Variants in LENG8 observed in about 807,000 individuals in gnomAD.
LENG8 encodes leukocyte receptor cluster (LRC) member 8.
In LENG8, 28 loss-of-function variants were observed where a neutral mutation model predicts 102.1. The ratio of observed to expected loss-of-function variants is 0.27; its 90% confidence interval spans 0.20 to 0.38. LENG8 has a LOEUF of 0.38. Among genes scored for constraint, LENG8 ranks in the 10% least tolerant of loss-of-function variants. LENG8 has a pLI of 1.00. For synonymous variants in LENG8, 531 were observed against 456.7 expected (o/e 1.16, Z -2.07); for missense variants, 1,022 against 1,113.9 (o/e 0.92, Z 1.17).
At chr19:54,455,150 T>A in intron 7 of LENG8, 58 bp downstream of exon 7, 5 of 1,605,082 alleles carry the variant, frequency 3.1e-6, no homozygotes, top group Non-Finnish European at 4.3e-6. Flanking sequence ...GCGTCTATGG[T>A]CCAGTCCCAC....
In LENG8 at chr19:54,461,286, T is replaced by C; in HGVS notation, c.*358T>C. ...GTACCCGACCCGGCGCCCTGGCCCATCCCATGCCGGGGGGCCAGTGGAAAG... is the reference window on the plus strand; with the variant it reads ...GTACCCGACCCGGCGCCCTGGCCCACCCCATGCCGGGGGGCCAGTGGAAAG... On this transcript the variant is annotated 3_prime_UTR_variant, in exon 16 of 16. Transcript: ENST00000326764. 2.1e-6 allele frequency: 1 copy of C among 471,584 alleles called. No homozygotes were observed. 29.2% of individuals were successfully genotyped at this position (471,584 alleles called of 1,614,324 possible).
At position 54,460,883 on chromosome 19, in the gene LENG8, C is replaced by T. The variant is rs778084846; in HGVS notation, c.2358C>T (p.Ser786=). ...LGLAYTGPDN[S]SIDCRLSLAQ... ...TGGCCTACACGGGCCCGGACAACTC[C>T]AGCATCGACTGCCGCCTCAGCCTGG... Residue 786 remains serine, a synonymous_variant, in exon 16 of 16, where the codon TCC becomes TCT. Transcript: ENST00000326764. 4 of 1,557,844 alleles carry T rather than the reference C, an allele frequency of 2.6e-6. No homozygotes were observed. Among genetic ancestry groups the T allele is most frequent in the Non-Finnish European group, 3.5e-6 (4 of 1,152,646 alleles).
At chr19:54,459,446 G>C in intron 15 of LENG8, 1 of 987,790 alleles carries the variant, frequency 1.0e-6, no homozygotes, top group South Asian at 4.6e-5. Flanking sequence ...CAGCATGGGG[G>C]CCTTGAGTGC....
chr19:54,451,295 G>A lies in LENG8; in HGVS notation c.-50G>A. On this transcript the variant is annotated 5_prime_UTR_variant, in exon 2 of 16. Transcript: ENST00000326764. ...ACTCATTCTTTTTCTCATAGACAGT[G>A]AAAAAGCAGTCTGGCTCCCGAGGTC... 1 of 1,603,904 alleles carries A rather than the reference G, an allele frequency of 6.2e-7. No individual in the cohort carries two copies. The highest frequency in any genetic ancestry group is 8.5e-7 in the Non-Finnish European group (1 of 1,170,740).
chr19:54,456,455 C>T lies in LENG8; in HGVS notation c.1435C>T (p.Arg479Cys), dbSNP rs769467537. Residue 479 changes from arginine to cysteine, a missense_variant, in exon 10 of 16, where the codon CGT becomes TGT. Arg to Cys is a radical substitution (Grantham distance 180). Transcript: ENST00000326764. ...GGATCGGGGCCGAGGCAGGGCGCAG[C>T]GTGGGAAGAGGTGAGACTGTGTGAG... ...HMDRGRGRAQ[R>C]GKRHDLAPTK... 5 of 1,605,008 alleles carry T rather than the reference C, an allele frequency of 3.1e-6. No homozygotes were observed. The highest frequency in any genetic ancestry group is 2.2e-5 in the South Asian group (2 of 90,864).
chr19:54,453,399 T>C lies in LENG8; in HGVS notation c.316-147T>C, dbSNP rs2084051401. The C allele has an allele frequency of 9.7e-6, 6 of 619,844 alleles. No homozygotes were observed. The East Asian group carries it at 1.1e-4, about 11-fold the overall frequency. 38.4% of individuals were successfully genotyped at this position (619,844 alleles called of 1,614,324 possible). On this transcript the variant is annotated intron_variant, in intron 4 of 15. Coordinates refer to ENST00000326764, the MANE Select transcript of LENG8 (RefSeq NM_052925.4). ...GATAGAGGTTTTTCTTTTCCTAATA[T>C]ATGAGAGGATGTGGTGCATTAATAT... is the stretch of plus-strand genomic sequence containing the variant.
chr19:54,454,453 G>C lies in LENG8; in HGVS notation c.450G>C (p.Glu150Asp). The change falls in exon 6 of 16, where the codon GAG becomes GAC. Residue 150 changes from glutamate to aspartate, a missense_variant. Glu to Asp is a conservative substitution (Grantham distance 45). This residue lies in a region of LENG8 where 343 missense variants were observed against 320.2 expected (regional missense o/e 1.07). Transcript: ENST00000326764. ...LNQPPVPGMD[E>D]SMSYQAPPQQ... Reference sequence around the variant, plus strand: ...AGCCCCCAGTCCCCGGCATGGATGAGAGCATGTCCTACCAGGCTCCCCCTC... The same window carrying C: ...AGCCCCCAGTCCCCGGCATGGATGACAGCATGTCCTACCAGGCTCCCCCTC... 6.2e-7 allele frequency: 1 copy of C among 1,612,314 alleles called. No homozygotes were observed. Among genetic ancestry groups the C allele is most frequent in the South Asian group, 1.1e-5 (1 of 90,890 alleles).
At chr19:54,449,379 C>T (rs1472172288) in intron 1 of LENG8, 69 bp downstream of exon 1, 1 of 152,140 alleles carries the variant, frequency 6.6e-6, no homozygotes, top group African/African-American at 2.4e-5. Context: ...CCCCGCGAGC[C>T]CCGAGGCCTT....
intron 3 of LENG8, 64 bp downstream of exon 3, chr19:54,452,331 C>T (rs996590446): frequency 3.6e-5 from 51 of 1,419,022 alleles, no homozygotes; most frequent in Middle Eastern, 2.4e-4. Context: ...CACAGTCTGG[C>T]GTCCTGTTGT....
chr19:54,452,201 C>T lies in LENG8; in HGVS notation c.147C>T (p.Ile49=), dbSNP rs535985014. 55 of 1,614,088 alleles carry T rather than the reference C, an allele frequency of 3.4e-5. 1 individual carries two copies. The South Asian group carries it at 5.4e-4, about 16-fold the overall frequency. The change falls in exon 3 of 16, where the codon ATC becomes ATT. Residue 49 remains isoleucine, a synonymous_variant. Coordinates refer to ENST00000326764, the MANE Select transcript of LENG8 (RefSeq NM_052925.4). ...WEKARQALAS[I]SKSGAAGGSA... Reference sequence around the variant, plus strand: ...AGGCCCGTCAGGCCCTGGCCAGCATCAGCAAGTCAGGAGCTGCCGGCGGCT... The same window carrying T: ...AGGCCCGTCAGGCCCTGGCCAGCATTAGCAAGTCAGGAGCTGCCGGCGGCT...
chr19:54,458,806 G>A (rs948901910), intron 15 of LENG8: 5 of 1,550,942 alleles, frequency 3.2e-6, no homozygotes, highest in South Asian at 1.2e-5. Context: ...TCTTCCTCCT[G>A]TTCTCTCCTG....
In LENG8 at chr19:54,449,554, G is replaced by GGCCCCGGGGC. The variant is rs1429810966; in HGVS notation, c.-56+250_-56+259dup. ...CGTTCCTCTCCCTTGGAGTTCTCGG[G>GGCCCCGGGGC]GCCCCGGGGCGCCCCTCACTCGCCG... On this transcript the variant is annotated intron_variant, in intron 1 of 15. Transcript: ENST00000326764. 3.3e-5 allele frequency: 5 copies of GGCCCCGGGGC among 152,046 alleles called. No individual in the cohort carries two copies. The East Asian group carries it at 5.8e-4, about 18-fold the overall frequency. The allele number at this position is 152,046 out of a possible 1,614,324, so 9.4% of individuals were successfully genotyped here. A position where few individuals can be genotyped will look rare whatever the true frequency, so the allele number is the denominator to read the frequency against.
chr19:54,458,070 C>T, intron 13 of LENG8, 33 bp from the exon 14 acceptor site: 3 of 1,612,216 alleles, frequency 1.9e-6, no homozygotes, highest in Non-Finnish European at 1.7e-6. Flanking sequence ...CACCCTCACT[C>T]TGCTCTCCTC....
chr19:54,460,719 G>GGCCCCA, intron 15 of LENG8, 47 bp from the exon 16 acceptor site: 8 of 778,908 alleles, frequency 1.0e-5, no homozygotes, highest in Non-Finnish European at 1.4e-5. Context: ...GCCCTCCCCT[G>GGCCCCA]CCCTCCCGCC....
At chr19:54,460,559 G>A in intron 15 of LENG8, 20 of 1,412,096 alleles carry the variant, frequency 1.4e-5, no homozygotes, top group Non-Finnish European at 1.7e-5. Context: ...TGAGGGTGAG[G>A]GGGGCACAGG....
chr19:54,460,957 G>GGCTGCAGCCCCCAGC lies in LENG8; in HGVS notation c.*35_*49dup. 1 of 1,539,236 alleles carries GGCTGCAGCCCCCAGC rather than the reference G, an allele frequency of 6.5e-7. No individual in the cohort carries two copies. The highest frequency in any genetic ancestry group is 8.7e-7 in the Non-Finnish European group (1 of 1,146,822). Reference sequence around the variant, plus strand: ...CCCAGCGAGGAGGGGCGGGGGCAGGGGCTGCAGCCCCCAGCGCTGCCTTTG... The same window carrying GGCTGCAGCCCCCAGC: ...CCCAGCGAGGAGGGGCGGGGGCAGGGGCTGCAGCCCCCAGCGCTGCAGCCCCCAGCGCTGCCTTTG... On this transcript the variant is annotated 3_prime_UTR_variant, in exon 16 of 16. Coordinates refer to ENST00000326764, the MANE Select transcript of LENG8 (RefSeq NM_052925.4).
chr19:54,461,429 G>A lies in LENG8; in HGVS notation c.*501G>A, dbSNP rs529424132. On this transcript the variant is annotated 3_prime_UTR_variant, in exon 16 of 16. Coordinates refer to ENST00000326764, the MANE Select transcript of LENG8 (RefSeq NM_052925.4). ...TTGTTCCCAGCCCCTTGGGGCCTCCGTGTTTGGGGTGGGGGAGCTGCTTAG... is the reference window on the plus strand; with the variant it reads ...TTGTTCCCAGCCCCTTGGGGCCTCCATGTTTGGGGTGGGGGAGCTGCTTAG... 8 of 459,388 alleles carry A rather than the reference G, an allele frequency of 1.7e-5. No individual in the cohort carries two copies. Among genetic ancestry groups the A allele is most frequent in the Admixed American group, 4.7e-5 (2 of 42,486 alleles). 28.5% of individuals were successfully genotyped at this position (459,388 alleles called of 1,614,324 possible).
chr19:54,456,426 A>C lies in LENG8; in HGVS notation c.1406A>C (p.His469Pro). 1 of 1,609,552 alleles carries C rather than the reference A, an allele frequency of 6.2e-7. No homozygotes were observed. Among genetic ancestry groups the C allele is most frequent in the Non-Finnish European group, 8.5e-7 (1 of 1,179,760 alleles). The stretch of plus-strand genomic sequence containing the variant: ...AAGGGCCGGGGCGGTCGAGGGGCCC[A>C]TATGGATCGGGGCCGAGGCAGGGCG... The part of the protein sequence containing the change: ...PPKGRGGRGA[H>P]MDRGRGRAQR... The change falls in exon 10 of 16, where the codon CAT becomes CCT. Residue 469 changes from histidine to proline, a missense_variant. Physicochemically the swap from His to Pro is moderately conservative, Grantham distance 77. Around this residue, in one of 7 missense-constraint regions of LENG8, gnomAD observed 326 missense variants for 324.5 expected, o/e 1.00. Transcript: ENST00000326764.
chr19:54,449,644 G>C (rs894539845), intron 1 of LENG8: 1 of 152,272 alleles, frequency 6.6e-6, no homozygotes, highest in Admixed American at 6.5e-5. Context: ...TGGTGCGCAG[G>C]CGCGGCCTGG....
Sources: allele counts gnomAD v4.1 joint callset, GRCh38; gene constraint gnomAD v4.1.1; regional missense constraint gnomAD v4.1.1; transcripts MANE v1.5; gene names NCBI Gene and HGNC (gene_info 2026-07-23, HGNC 2026-07-21).